Variants in FTO observed in about 807,000 individuals in gnomAD.
FTO encodes the protein alpha-ketoglutarate-dependent dioxygenase FTO.
A neutral mutation model predicts 63.9 loss-of-function variants in FTO; 47 were observed. The ratio of observed to expected loss-of-function variants is 0.74; its 90% confidence interval spans 0.58 to 0.94. The LOEUF (loss-of-function observed/expected upper bound fraction) is 0.94, where lower values mean the gene tolerates loss of function less well. Ranked by LOEUF, FTO falls within the 40% of genes least tolerant of loss-of-function variation. The pLI is 0.00. For missense variants in FTO, 562 were observed against 618.1 expected (o/e 0.91, Z 0.96); for synonymous variants, 207 against 224.4 (o/e 0.92, Z 0.69).
intron 8 of FTO, among the ~76,000 whole-genome samples, chr16:53,982,777 A>G (rs562623764): frequency 5.9e-5 from 9 of 152,344 alleles, no homozygotes; most frequent in Admixed American, 5.9e-4. Context: ...CAAAGTTTTA[A>G]GTGGGTAAAG....
intron 8 of FTO, among the ~76,000 whole-genome samples, chr16:54,029,537 A>G (rs1357692357): frequency 3.3e-5 from 5 of 152,172 alleles, no homozygotes; most frequent in Non-Finnish European, 1.5e-5. Flanking sequence ...CCACTTTGCA[A>G]AGTGTTCATT....
At chr16:53,952,360 A>G (rs1223595230) in intron 8 of FTO, among the ~76,000 whole-genome samples, 1 of 152,176 alleles carries the variant, frequency 6.6e-6, no homozygotes, top group Non-Finnish European at 1.5e-5. Context: ...AACATGCAAC[A>G]TAGCATATGA....
chr16:53,771,498 GCAAT>G (rs1458172726), intron 1 of FTO, among the ~76,000 whole-genome samples: 1 of 151,982 alleles, frequency 6.6e-6, no homozygotes, highest in East Asian at 1.9e-4. Flanking sequence ...TCCCTACATA[GCAAT>G]CAAAGTTTAG....
intron 8 of FTO, among the ~76,000 whole-genome samples, chr16:54,098,096 G>C (rs1467106333): frequency 1.3e-5 from 2 of 152,124 alleles, no homozygotes; most frequent in Admixed American, 6.5e-5. Context: ...GTCAGGAAAG[G>C]GTCCATCATG....
At chr16:54,071,062 A>G (rs774363953) in intron 8 of FTO, 1 of 152,348 alleles carries the variant, frequency 6.6e-6, no homozygotes, top group Non-Finnish European at 1.5e-5. Context: ...ACCCCAAGTT[A>G]TGCATTTGAA....
At chr16:53,717,323 G>T (rs2075917941) in intron 1 of FTO, among the ~76,000 whole-genome samples, 1 of 151,978 alleles carries the variant, frequency 6.6e-6, no homozygotes, top group Admixed American at 6.5e-5. Context: ...AATGTTTGCT[G>T]ATTTGGAGGA....
At chr16:53,979,085 C>T (rs142214012) in intron 8 of FTO, among the ~76,000 whole-genome samples, 3 of 151,970 alleles carry the variant, frequency 2.0e-5, no homozygotes, top group Non-Finnish European at 2.9e-5. Flanking sequence ...TTTTTAAAAT[C>T]GTTATACTCT....
intron 8 of FTO, chr16:54,061,852 G>A (rs1234876114): frequency 7.9e-5 from 12 of 152,196 alleles, no homozygotes; most frequent in Non-Finnish European, 1.3e-4. Flanking sequence ...TGAAACTGTT[G>A]AGTAGCATTA....
intron 8 of FTO, among the ~76,000 whole-genome samples, chr16:54,074,704 T>C (rs111549696): frequency 0.014 from 2,207 of 152,324 alleles, 53 homozygotes; most frequent in African/African-American, 0.049. Context: ...TCTAAAAATT[T>C]TGTGTGAATC....
At chr16:53,755,590 T>G (rs913655620) in intron 1 of FTO, among the ~76,000 whole-genome samples, 1 of 152,240 alleles carries the variant, frequency 6.6e-6, no homozygotes, top group South Asian at 2.1e-4. Flanking sequence ...CTTGGAAGTC[T>G]CCTTGTGGTA....
In FTO at chr16:53,751,984, C is replaced by T. The variant is rs572464489; in HGVS notation, c.45+47755C>T. Reference sequence around the variant, plus strand: ...GACTTATAGTCAAATCCTCTTTGACCCAGCTATGTTCTACTTACATGAATT... The same window carrying T: ...GACTTATAGTCAAATCCTCTTTGACTCAGCTATGTTCTACTTACATGAATT... On this transcript the variant is annotated intron_variant, in intron 1 of 8. Coordinates refer to ENST00000471389, the MANE Select transcript of FTO (RefSeq NM_001080432.3). Among the ~76,000 whole-genome samples, 5 of 152,220 alleles carry T rather than the reference C, an allele frequency of 3.3e-5. No homozygotes were observed. The East Asian group carries it at 7.7e-4, about 23-fold the overall frequency.
intron 8 of FTO, among the ~76,000 whole-genome samples, chr16:54,003,775 T>C (rs1237839523): frequency 6.6e-6 from 1 of 152,196 alleles, no homozygotes; most frequent in East Asian, 1.9e-4. Context: ...GTTGACAGCC[T>C]TGCTATTAAA....
chr16:53,766,615 A>G (rs2077209355), intron 1 of FTO, among the ~76,000 whole-genome samples: 1 of 152,174 alleles, frequency 6.6e-6, no homozygotes, highest in South Asian at 2.1e-4. Flanking sequence ...GGACAGTCAC[A>G]TGACTGGTGT....
intron 7 of FTO, among the ~76,000 whole-genome samples, chr16:53,905,771 T>C (rs1448276099): frequency 6.6e-6 from 1 of 152,212 alleles, no homozygotes; most frequent in African/African-American, 2.4e-5. Flanking sequence ...TGCTGTGTTC[T>C]TGGTGCCTGA....
Position 54,113,550 on chromosome 16 carries a change from TCA to T in FTO, c.*1636_*1637del, listed in dbSNP as rs2086936372. ...ATTCATTCCCTGGTGTCTTTGAGCC[TCA>T]GTTTCCTCATTGGTAAAAGAGAAGT... On this transcript the variant is annotated 3_prime_UTR_variant, in exon 9 of 9. Coordinates refer to ENST00000471389, the MANE Select transcript of FTO (RefSeq NM_001080432.3). 1 of 152,190 alleles carries T rather than the reference TCA, an allele frequency of 6.6e-6. No individual in the cohort carries two copies. Among genetic ancestry groups the T allele is most frequent in the Non-Finnish European group, 1.5e-5 (1 of 68,046 alleles). The allele number at this position is 152,190 out of a possible 1,614,324, so 9.4% of individuals were successfully genotyped here.
chr16:53,838,750 A>G (rs1444849701), intron 3 of FTO, among the ~76,000 whole-genome samples: 1 of 152,062 alleles, frequency 6.6e-6, no homozygotes, highest in Non-Finnish European at 1.5e-5. Flanking sequence ...GAGACAGGAG[A>G]ATCACTTGGA....
intron 1 of FTO, among the ~76,000 whole-genome samples, chr16:53,769,684 C>T (rs531783980): frequency 7.4e-4 from 113 of 152,044 alleles, no homozygotes; most frequent in South Asian, 5.8e-3. Context: ...ATTGCTGCAA[C>T]GTACCCTAAC....
intron 8 of FTO, among the ~76,000 whole-genome samples, chr16:53,987,781 C>G (rs1005125399): frequency 6.6e-6 from 1 of 152,078 alleles, no homozygotes; most frequent in Non-Finnish European, 1.5e-5. Flanking sequence ...CCATTTTACT[C>G]TTCAGTATTA....
chr16:53,838,816 G>C (rs1451379094), intron 3 of FTO, among the ~76,000 whole-genome samples: 1 of 152,020 alleles, frequency 6.6e-6, no homozygotes, highest in East Asian at 1.9e-4. Flanking sequence ...TCCAGCCTGG[G>C]CAACAGAGCG....
Sources: gnomAD v4.1 joint callset for allele counts (sites outside exome capture counted in the v4.1 genomes callset) on GRCh38, gnomAD v4.1.1 for gene constraint, MANE v1.5 for transcripts, NCBI Gene and HGNC (gene_info 2026-07-23, HGNC 2026-07-21) for gene names.